XKR4: variants seen among roughly 807,000 people sequenced by gnomAD.
XKR4 encodes XK related 4.
A neutral mutation model predicts 53.9 loss-of-function variants in XKR4; 12 were observed. That is an observed-to-expected ratio of 0.22 (90% CI 0.14 to 0.36). XKR4 has a LOEUF of 0.36. Ranked by LOEUF, XKR4 falls within the 10% of genes least tolerant of loss-of-function variation. The pLI is 1.00. For synonymous variants in XKR4, 354 were observed against 362.4 expected, an observed-to-expected ratio of 0.98 and a Z score of 0.26; for missense variants, 799 against 859.5, an observed-to-expected ratio of 0.93 and a Z score of 0.88.
intron 2 of XKR4, among the ~76,000 whole-genome samples, chr8:55,395,751 C>G (rs187960220): frequency 1.3e-5 from 2 of 152,284 alleles, no homozygotes; most frequent in East Asian, 3.9e-4. Flanking sequence ...AGGTGGAAAG[C>G]TGGAAGCTGA....
intron 2 of XKR4, among the ~76,000 whole-genome samples, chr8:55,442,410 A>G (rs1438304820): frequency 6.6e-6 from 1 of 152,326 alleles, no homozygotes; most frequent in Non-Finnish European, 1.5e-5. Context: ...GTTGTTTTGG[A>G]AAACAGTTTG....
At chr8:55,511,923 C>G (rs1471526762) in intron 2 of XKR4, among the ~76,000 whole-genome samples, 1 of 152,088 alleles carries the variant, frequency 6.6e-6, no homozygotes, top group Admixed American at 6.5e-5. Flanking sequence ...CCTTCAATCC[C>G]GGGGCATTGA....
At chr8:55,460,995 G>C (rs1359764568) in intron 2 of XKR4, among the ~76,000 whole-genome samples, 1 of 152,212 alleles carries the variant, frequency 6.6e-6, no homozygotes, top group African/African-American at 2.4e-5. Context: ...GCTTGAACTG[G>C]GTGAGCCCAC....
chr8:55,497,481 A>G lies in XKR4; in HGVS notation c.1007-25800A>G, dbSNP rs550578775. The stretch of plus-strand genomic sequence containing the variant: ...TCTGTTCTAACCTTTTGCTTTATTA[A>G]CTTATTTACCCTCAAAACAATCCAG... On this transcript the variant is annotated intron_variant, in intron 2 of 2. Coordinates refer to ENST00000327381, the MANE Select transcript of XKR4 (RefSeq NM_052898.2). Among the ~76,000 whole-genome samples, 5 of 152,322 alleles carry G rather than the reference A, an allele frequency of 3.3e-5. No individual in the cohort carries two copies. The East Asian group carries it at 9.6e-4, about 29-fold the overall frequency.
At chr8:55,289,663 G>A (rs1430925354) in intron 1 of XKR4, among the ~76,000 whole-genome samples, 1 of 58,296 alleles carries the variant, frequency 1.7e-5, no homozygotes, top group African/African-American at 6.3e-5. Context: ...GGAAGGAAAA[G>A]AAAAGAAAAG....
chr8:55,342,026 A>G (rs1055267318), intron 1 of XKR4, among the ~76,000 whole-genome samples: 1 of 151,902 alleles, frequency 6.6e-6, no homozygotes, highest in Non-Finnish European at 1.5e-5. Context: ...CCAACTGTCT[A>G]CTCAAGATCT....
At chr8:55,199,662 C>G (rs1649686818) in intron 1 of XKR4, among the ~76,000 whole-genome samples, 1 of 152,128 alleles carries the variant, frequency 6.6e-6, no homozygotes, top group Non-Finnish European at 1.5e-5. Flanking sequence ...CTACCACATG[C>G]CAACTCTTCT....
intron 1 of XKR4, among the ~76,000 whole-genome samples, chr8:55,232,009 T>C (rs528809148): frequency 6.6e-6 from 1 of 152,332 alleles, no homozygotes; most frequent in South Asian, 2.1e-4. Context: ...TTCTTTGATA[T>C]TGACATCATA....
intron 1 of XKR4, among the ~76,000 whole-genome samples, chr8:55,346,994 G>A (rs865996907): frequency 1.3e-5 from 2 of 152,010 alleles, no homozygotes; most frequent in Non-Finnish European, 2.9e-5. Context: ...TGTAACACTC[G>A]GTCAAATCTT....
Position 55,534,206 on chromosome 8 carries a change from T to C in XKR4, c.*9979T>C, listed in dbSNP as rs1222884173. On this transcript the variant is annotated 3_prime_UTR_variant, in exon 3 of 3. Coordinates refer to ENST00000327381, the MANE Select transcript of XKR4 (RefSeq NM_052898.2). ...TTCAGTTTCAGAGGTAAAATCTGCATGGGTGCAGCTACTGAATAATTTGAT... is the reference window on the plus strand; with the variant it reads ...TTCAGTTTCAGAGGTAAAATCTGCACGGGTGCAGCTACTGAATAATTTGAT... 1.3e-5 allele frequency: 2 copies of C among 152,038 alleles called. No individual in the cohort carries two copies. Among genetic ancestry groups the C allele is most frequent in the African/African-American group, 4.8e-5 (2 of 41,396 alleles). 9.4% of individuals were successfully genotyped at this position (152,038 alleles called of 1,614,324 possible).
chr8:55,501,758 T>G (rs956421411), intron 2 of XKR4, among the ~76,000 whole-genome samples: 1 of 152,184 alleles, frequency 6.6e-6, no homozygotes, highest in Non-Finnish European at 1.5e-5. Flanking sequence ...TTTCCACTTT[T>G]TGGCTATTGT....
At chr8:55,288,682 A>C (rs1273891338) in intron 1 of XKR4, among the ~76,000 whole-genome samples, 2 of 152,206 alleles carry the variant, frequency 1.3e-5, no homozygotes, top group African/African-American at 4.8e-5. Context: ...AGAGATCGGC[A>C]TGCATTTGTA....
At chr8:55,271,562 G>A (rs1203149372) in intron 1 of XKR4, among the ~76,000 whole-genome samples, 1 of 152,252 alleles carries the variant, frequency 6.6e-6, no homozygotes, top group African/African-American at 2.4e-5. Context: ...CCTGAGTTTG[G>A]CAGAGACTCA....
At chr8:55,368,666 A>G (rs535584392) in intron 2 of XKR4, among the ~76,000 whole-genome samples, 15 of 152,074 alleles carry the variant, frequency 9.9e-5, no homozygotes, top group Non-Finnish European at 1.9e-4. Context: ...CCTATGTTTT[A>G]TTATTATTCT....
At chr8:55,344,989 C>A (rs1416069639) in intron 1 of XKR4, among the ~76,000 whole-genome samples, 1 of 152,124 alleles carries the variant, frequency 6.6e-6, no homozygotes, top group Non-Finnish European at 1.5e-5. Context: ...GTGGCTTATG[C>A]CTATAATCCC....
intron 2 of XKR4, chr8:55,449,473 G>A (rs1805394573): frequency 3.0e-6 from 3 of 1,006,350 alleles, no homozygotes; most frequent in African/African-American, 3.2e-5. Flanking sequence ...GGTCGGTAAC[G>A]ACTGGAAGCA....
At chr8:55,320,708 C>T (rs1195328737) in intron 1 of XKR4, among the ~76,000 whole-genome samples, 2 of 152,152 alleles carry the variant, frequency 1.3e-5, no homozygotes, top group Non-Finnish European at 2.9e-5. Flanking sequence ...TGGCAGTCTG[C>T]ATGTATAACA....
At chr8:55,454,898 G>A in intron 2 of XKR4, 1 of 767,288 alleles carries the variant, frequency 1.3e-6, no homozygotes, top group South Asian at 1.4e-5. Flanking sequence ...GCTCCCAGAA[G>A]GTCAAGCAGC....
At chr8:55,470,926 A>G (rs1805870228) in intron 2 of XKR4, among the ~76,000 whole-genome samples, 1 of 152,146 alleles carries the variant, frequency 6.6e-6, no homozygotes, top group Non-Finnish European at 1.5e-5. Context: ...CTAGACATGA[A>G]TCACACTATA....
Sources: gnomAD v4.1 joint callset for allele counts (sites outside exome capture counted in the v4.1 genomes callset) on GRCh38, gnomAD v4.1.1 for gene constraint, MANE v1.5 for transcripts, NCBI Gene and HGNC (gene_info 2026-07-23, HGNC 2026-07-21) for gene names.